Variants in LCOR observed in about 807,000 individuals in gnomAD.
LCOR encodes ligand-dependent corepressor.
In LCOR, 14 loss-of-function variants were observed where a neutral mutation model predicts 64.4. The observed-to-expected ratio is 0.22, with a 90% CI of 0.14 to 0.34. The LOEUF is 0.34. Ranked by LOEUF, LCOR falls within the 10% of genes least tolerant of loss-of-function variation. The pLI is 1.00. For missense variants in LCOR, 1,686 were observed against 1,765.3 expected, an observed-to-expected ratio of 0.96 and a Z score of 0.80; for synonymous variants, 643 against 642.5, an observed-to-expected ratio of 1.00 and a Z score of -0.01.
chr10:96,896,009 G>A (rs1366768682), intron 2 of LCOR, among the ~76,000 whole-genome samples: 1 of 152,076 alleles, frequency 6.6e-6, no homozygotes. Flanking sequence ...TTGACCCCAG[G>A]AGTTTGAGGT....
chr10:96,948,667 A>G (rs1354107252), intron 5 of LCOR, among the ~76,000 whole-genome samples: 1 of 152,228 alleles, frequency 6.6e-6, no homozygotes, highest in Admixed American at 6.5e-5. Flanking sequence ...GATGTGACCT[A>G]TAGGTGTGTT....
At chr10:96,884,619 C>T (rs898822151) in intron 2 of LCOR, among the ~76,000 whole-genome samples, 1 of 152,128 alleles carries the variant, frequency 6.6e-6, no homozygotes, top group Non-Finnish European at 1.5e-5. Flanking sequence ...TCTTGAATAC[C>T]ATTTCCAGAT....
intron 2 of LCOR, among the ~76,000 whole-genome samples, chr10:96,873,100 TG>T (rs1321206015): frequency 1.2e-4 from 19 of 152,168 alleles, no homozygotes; most frequent in Admixed American, 9.8e-4. Flanking sequence ...AGGATAGACA[TG>T]ATTTTAATAA....
At position 96,991,931 on chromosome 10, in the gene LCOR, A is replaced by G. The variant is rs1363063889; in HGVS notation, c.*6797A>G. The stretch of plus-strand genomic sequence containing the variant: ...TCACATTGGAAGCATTTTTCTCTCA[A>G]AACTCTTTTCCTCTAGTATTTAGTT... On this transcript the variant is annotated 3_prime_UTR_variant, in exon 8 of 8. Coordinates refer to ENST00000421806, the MANE Select transcript of LCOR (RefSeq NM_001346516.2). 1 of 150,658 alleles carries G rather than the reference A, an allele frequency of 6.6e-6. No homozygotes were observed. Among genetic ancestry groups the G allele is most frequent in the Non-Finnish European group, 1.5e-5 (1 of 68,030 alleles). The allele number at this position is 150,658 out of a possible 1,614,324, so 9.3% of individuals were successfully genotyped here. A position where few individuals can be genotyped will look rare whatever the true frequency, so the allele number is the denominator to read the frequency against.
At chr10:96,835,427 A>G (rs935914547) in intron 2 of LCOR, among the ~76,000 whole-genome samples, 2 of 152,198 alleles carry the variant, frequency 1.3e-5, no homozygotes, top group African/African-American at 2.4e-5. Flanking sequence ...ACATATATTC[A>G]TAGTCTCTCA....
chr10:96,955,958 G>T (rs1183652815), intron 7 of LCOR: 1 of 1,585,114 alleles, frequency 6.3e-7, no homozygotes, highest in South Asian at 1.2e-5. Context: ...TACAAACTGG[G>T]TGAGCACTAC....
rs1300160673 is a variant in LCOR at position 96,991,671 on chromosome 10, A to G, written c.*6537A>G. On this transcript the variant is annotated 3_prime_UTR_variant, in exon 8 of 8. Transcript: ENST00000421806. ...TTTGACTTTCGAGTGCAGACCACACATTCTCTTAAAAATACCAGCATGTCT... is the reference window on the plus strand; with the variant it reads ...TTTGACTTTCGAGTGCAGACCACACGTTCTCTTAAAAATACCAGCATGTCT... The G allele has an allele frequency of 6.6e-6, 1 of 152,252 alleles. No individual in the cohort carries two copies. The highest frequency in any genetic ancestry group is 1.5e-5 in the Non-Finnish European group (1 of 68,062). 9.4% of individuals were successfully genotyped at this position (152,252 alleles called of 1,614,324 possible).
intron 4 of LCOR, among the ~76,000 whole-genome samples, chr10:96,924,489 G>A (rs575925544): frequency 1.6e-4 from 24 of 151,894 alleles, no homozygotes; most frequent in Admixed American, 1.2e-3. Flanking sequence ...TGATCCACCC[G>A]CCTCAGCCTC....
At chr10:96,941,269 G>A (rs1318221557) in intron 4 of LCOR, among the ~76,000 whole-genome samples, 19 of 141,308 alleles carry the variant, frequency 1.3e-4, no homozygotes, top group East Asian at 4.2e-4. Flanking sequence ...CGGACGGGGC[G>A]GCTGGCCAGG....
In LCOR at chr10:96,843,643, GTAGAA is replaced by G. The variant is rs1431640890; in HGVS notation, c.-330+10168_-330+10172del. 2.6e-5 allele frequency among the ~76,000 whole-genome samples: 4 copies of G among 152,182 alleles called. No homozygotes were observed. The East Asian group carries it at 7.7e-4, about 29-fold the overall frequency. On this transcript the variant is annotated intron_variant, in intron 2 of 7. Transcript: ENST00000421806. ...TGGAAAACTTCAAACATACAGAAAA[GTAGAA>G]TAGTACAGTGAACAAACACCCAGCT...
intron 5 of LCOR, among the ~76,000 whole-genome samples, chr10:96,946,122 T>G (rs1259524189): frequency 6.6e-6 from 1 of 151,994 alleles, no homozygotes; most frequent in Non-Finnish European, 1.5e-5. Context: ...TTCTTCCCCT[T>G]TATGTATTAA....
intron 5 of LCOR, among the ~76,000 whole-genome samples, chr10:96,946,278 T>C (rs186952327): frequency 6.6e-6 from 1 of 152,104 alleles, no homozygotes; most frequent in Non-Finnish European, 1.5e-5. Flanking sequence ...ATAATTCAGA[T>C]GCTTAGATTT....
chr10:96,848,147 C>A (rs1360097030), intron 2 of LCOR, among the ~76,000 whole-genome samples: 4 of 152,100 alleles, frequency 2.6e-5, no homozygotes, highest in Non-Finnish European at 5.9e-5. Flanking sequence ...CAGATCAAAT[C>A]AACTATTTTG....
At chr10:96,873,202 G>A (rs371221716) in intron 2 of LCOR, among the ~76,000 whole-genome samples, 1 of 152,048 alleles carries the variant, frequency 6.6e-6, no homozygotes, top group African/African-American at 2.4e-5. Flanking sequence ...TGAAGCCATT[G>A]GTACCATGAA....
chr10:96,982,744 G>A lies in LCOR; in HGVS notation c.2284G>A (p.Glu762Lys), dbSNP rs1430630560. 1 of 1,614,076 alleles carries A rather than the reference G, an allele frequency of 6.2e-7. No individual in the cohort carries two copies. The highest frequency in any genetic ancestry group is 8.5e-7 in the Non-Finnish European group (1 of 1,180,046). Residue 762 changes from glutamate to lysine, a missense_variant, in exon 8 of 8, where the codon GAG (glutamate) becomes AAG (lysine). This residue lies in a region of LCOR where 1,293 missense variants were observed against 1,410.4 expected (regional missense o/e 0.92). Coordinates refer to ENST00000421806, the MANE Select transcript of LCOR (RefSeq NM_001346516.2). ...TFTDENPSETEESEAAGGIGK... is the reference protein window; with the variant it reads ...TFTDENPSETKESEAAGGIGK... ...TACTGATGAAAACCCCAGTGAAACT[G>A]AGGAAAGTGAGGCAGCAGGTGGTAT...
At position 96,989,697 on chromosome 10, in the gene LCOR, T is replaced by TATATATA. The variant is rs1564647797; in HGVS notation, c.*4563_*4564insATATATA. The TATATATA allele has an allele frequency of 7.2e-3, 340 of 46,930 alleles. No homozygotes were observed. The highest frequency in any genetic ancestry group is 0.032 in the African/African-American group (268 of 8,430). 2.9% of individuals were successfully genotyped at this position (46,930 alleles called of 1,614,324 possible). Reference sequence around the variant, plus strand: ...AGGATATATATATATATATATATATTTTTTTTTTTTTTTTTTTTTTTTAAT... The same window carrying TATATATA: ...AGGATATATATATATATATATATATTATATATATTTTTTTTTTTTTTTTTTTTTTAAT... On this transcript the variant is annotated 3_prime_UTR_variant, in exon 8 of 8. Transcript: ENST00000421806.
At chr10:96,891,790 G>A (rs989916360) in intron 2 of LCOR, among the ~76,000 whole-genome samples, 2 of 151,974 alleles carry the variant, frequency 1.3e-5, no homozygotes, top group East Asian at 1.9e-4. Context: ...GTGATCACCT[G>A]CCTCGGCCTC....
intron 2 of LCOR, among the ~76,000 whole-genome samples, chr10:96,884,757 C>T (rs747414589): frequency 3.9e-5 from 6 of 152,118 alleles, no homozygotes; most frequent in Admixed American, 6.6e-5. Context: ...AGCCTTTATG[C>T]GAGAGTCTCA....
intron 2 of LCOR, among the ~76,000 whole-genome samples, chr10:96,887,238 G>A (rs898601571): frequency 1.3e-5 from 2 of 152,136 alleles, no homozygotes; most frequent in Non-Finnish European, 2.9e-5. Context: ...GCATGTGCCA[G>A]TTTTACCTAA....
Sources: allele counts gnomAD v4.1 joint callset (sites outside exome capture counted in the v4.1 genomes callset), GRCh38; gene constraint gnomAD v4.1.1; regional missense constraint gnomAD v4.1.1; transcripts MANE v1.5; gene names NCBI Gene and HGNC (gene_info 2026-07-23, HGNC 2026-07-21).